INTS6: variants seen among roughly 807,000 people sequenced by gnomAD.
INTS6 encodes integrator complex subunit 6.
INTS6 carries 16 observed loss-of-function variants against 104.9 expected under a neutral mutation model. The observed-to-expected ratio is 0.15, with a 90% confidence interval of 0.10 to 0.23. The LOEUF (loss-of-function observed/expected upper bound fraction) is 0.23, where lower values mean the gene tolerates loss of function less well. INTS6 is among the 10% of genes least tolerant of loss of function. The pLI, the probability that INTS6 is intolerant of heterozygous loss-of-function variation, is 1.00. For missense variants in INTS6, 584 were observed against 1,062.8 expected (o/e 0.55, Z 6.26); for synonymous variants, 324 against 358.7 (o/e 0.90, Z 1.09).
chr13:51,450,376 G>C, intron 3 of INTS6: 1 of 985,364 alleles, frequency 1.0e-6, no homozygotes, highest in Non-Finnish European at 1.2e-6. Context: ...GGACTTGTGG[G>C]GGTTAAGAAA....
At chr13:51,430,731 TATTACAA>T (rs1957075345) in intron 3 of INTS6, among the ~76,000 whole-genome samples, 1 of 152,178 alleles carries the variant, frequency 6.6e-6, no homozygotes, top group Admixed American at 6.5e-5. Context: ...TTTTTGTAGA[TATTACAA>T]GTTACAATAA....
intron 15 of INTS6, among the ~76,000 whole-genome samples, chr13:51,372,172 C>T (rs1955819693): frequency 1.3e-5 from 2 of 152,154 alleles, no homozygotes; most frequent in African/African-American, 4.8e-5. Context: ...ATACTCATAG[C>T]CATTGTTTCC....
chr13:51,442,235 G>T (rs1205002510), intron 3 of INTS6: 2 of 151,612 alleles, frequency 1.3e-5, no homozygotes, highest in African/African-American at 4.9e-5. Context: ...TGCCTCCTGG[G>T]TTCAAGCGAT....
chr13:51,427,974 T>A (rs1037572468), intron 4 of INTS6, among the ~76,000 whole-genome samples: 12 of 152,180 alleles, frequency 7.9e-5, no homozygotes, highest in Admixed American at 1.3e-4. Flanking sequence ...GCAATTCCAA[T>A]ACACATGTAT....
intron 11 of INTS6, 91 bp downstream of exon 11, chr13:51,379,371 G>T (rs577370684): frequency 5.5e-6 from 3 of 548,426 alleles, no homozygotes; most frequent in East Asian, 3.0e-5. Context: ...AATTCCATTA[G>T]AACCATCAAG....
chr13:51,370,562 T>C (rs1185286047), intron 15 of INTS6, among the ~76,000 whole-genome samples: 1 of 152,090 alleles, frequency 6.6e-6, no homozygotes, highest in Non-Finnish European at 1.5e-5. Flanking sequence ...AGGCGTTTTG[T>C]TGGGGGCTAC....
chr13:51,385,940 T>G (rs1482269829), intron 7 of INTS6, among the ~76,000 whole-genome samples: 2 of 152,178 alleles, frequency 1.3e-5, no homozygotes, highest in African/African-American at 4.8e-5. Context: ...AGATGTCTGT[T>G]AAAAACATCT....
intron 4 of INTS6, among the ~76,000 whole-genome samples, chr13:51,397,006 A>C (rs1054742760): frequency 2.6e-5 from 4 of 152,244 alleles, no homozygotes; most frequent in Non-Finnish European, 5.9e-5. Context: ...AAATAAAATC[A>C]AGACTCAGTT....
At chr13:51,450,604 C>A in intron 3 of INTS6, 1 of 985,924 alleles carries the variant, frequency 1.0e-6, no homozygotes, top group Non-Finnish European at 1.2e-6. Flanking sequence ...CACATTAAAC[C>A]CTGATGCAAC....
intron 3 of INTS6, chr13:51,446,778 T>C (rs1486801826): frequency 2.0e-5 from 3 of 152,238 alleles, no homozygotes; most frequent in Non-Finnish European, 4.4e-5. Flanking sequence ...GAGAACATTA[T>C]GCTAAGTGAA....
chr13:51,380,709 TAA>T (rs1323748703), intron 10 of INTS6, among the ~76,000 whole-genome samples: 2 of 152,196 alleles, frequency 1.3e-5, no homozygotes, highest in Non-Finnish European at 2.9e-5. Context: ...ACAGAATACA[TAA>T]GTGATTTTAA....
the INTS6 span, chr13:51,339,473 C>G: frequency 1.2e-4 from 19 of 152,394 alleles, no homozygotes; most frequent in African/African-American, 3.9e-4. Context: ...TGGCTCTCCC[C>G]CCACGGCCCT....
chr13:51,426,082 T>C (rs1029389464), intron 4 of INTS6, among the ~76,000 whole-genome samples: 1 of 151,996 alleles, frequency 6.6e-6, no homozygotes, highest in Admixed American at 6.6e-5. Context: ...CTTCAGACAA[T>C]GGCCTGGACT....
At chr13:51,389,479 G>T (rs1956206685) in intron 5 of INTS6, 35 bp from the exon 6 acceptor site, 5 of 1,467,536 alleles carry the variant, frequency 3.4e-6, no homozygotes, top group Non-Finnish European at 4.6e-6. Context: ...AGAAGAAGAA[G>T]AATATAGTAA....
At chr13:51,356,046 C>T (rs1955476719) in intron 3 of INTS6, among the ~76,000 whole-genome samples, 1 of 152,138 alleles carries the variant, frequency 6.6e-6, no homozygotes, top group African/African-American at 2.4e-5. Context: ...TTTTGATCCA[C>T]AAGAGAAGTC....
intron 3 of INTS6, among the ~76,000 whole-genome samples, chr13:51,435,350 A>G (rs1248919439): frequency 6.6e-6 from 1 of 151,966 alleles, no homozygotes; most frequent in Non-Finnish European, 1.5e-5. Context: ...TGTCATTAAA[A>G]ATTTTTCATT....
At chr13:51,344,171 C>T in the INTS6 span, 1 of 991,566 alleles carries the variant, frequency 1.0e-6, no homozygotes, top group African/African-American at 1.6e-5. Context: ...CGTTCCATCT[C>T]AATGCAATGT....
chr13:51,441,824 CTT>C (rs67702309), intron 3 of INTS6: 7 of 143,038 alleles, frequency 4.9e-5, no homozygotes, highest in Non-Finnish European at 4.6e-5. Flanking sequence ...CACCTCCAGC[CTT>C]TTTTTTTTTT....
At chr13:51,413,448 T>G (rs1340869616) in intron 4 of INTS6, among the ~76,000 whole-genome samples, 2 of 152,158 alleles carry the variant, frequency 1.3e-5, no homozygotes, top group Non-Finnish European at 2.9e-5. Context: ...TTCTGAGCAC[T>G]TATCTCATTT....
Sources: allele counts gnomAD v4.1 joint callset (sites outside exome capture counted in the v4.1 genomes callset), GRCh38; gene constraint gnomAD v4.1.1; transcripts MANE v1.5; gene names NCBI Gene and HGNC (gene_info 2026-07-23, HGNC 2026-07-21).